Variants in CCDC102B observed in about 807,000 individuals in gnomAD.
The protein encoded by CCDC102B is coiled-coil domain-containing protein 102B.
In CCDC102B, 75 loss-of-function variants were observed where a neutral mutation model predicts 57.4. The ratio of observed to expected loss-of-function variants is 1.31; its 90% CI spans 1.08 to 1.58. The LOEUF (loss-of-function observed/expected upper bound fraction) is 1.58, where lower values mean the gene tolerates loss of function less well. CCDC102B is among the 40% of genes most tolerant of loss of function. The probability of loss-of-function intolerance (pLI) is 0.00; values close to 1 mark genes in which losing one functional copy is unlikely to be tolerated. For missense variants in CCDC102B, 636 were observed against 582.6 expected, an observed-to-expected ratio of 1.09 and a Z score of -0.94; for synonymous variants, 206 against 201.9, an observed-to-expected ratio of 1.02 and a Z score of -0.17.
At chr18:68,773,088 G>A (rs947643551) in intron 2 of CCDC102B, among the ~76,000 whole-genome samples, 2 of 151,814 alleles carry the variant, frequency 1.3e-5, no homozygotes, top group Non-Finnish European at 2.9e-5. Flanking sequence ...ATACCACCAT[G>A]CCCTCAAAAA....
chr18:68,969,066 G>A (rs1439027652), intron 6 of CCDC102B, among the ~76,000 whole-genome samples: 1 of 152,118 alleles, frequency 6.6e-6, no homozygotes, highest in Non-Finnish European at 1.5e-5. Context: ...GCTCATTGCA[G>A]TTCATTGTGA....
At position 69,050,279 on chromosome 18, in the gene CCDC102B, C is replaced by G. The variant is rs1273631085; in HGVS notation, c.1435-3751C>G. ...AAGATGAGATGCTCACGCGTATCAC[C>G]CTTGTTGAAAACTTCTAAAACCTTC... is the stretch of plus-strand genomic sequence containing the variant. On this transcript the variant is annotated intron_variant, in intron 7 of 7. Coordinates refer to ENST00000360242, the MANE Select transcript of CCDC102B (RefSeq NM_024781.3). Among the ~76,000 whole-genome samples, 3 of 152,246 alleles carry G rather than the reference C, an allele frequency of 2.0e-5. No individual in the cohort carries two copies. In the East Asian group the frequency reaches 5.8e-4, roughly 29 times the overall value.
intron 6 of CCDC102B, among the ~76,000 whole-genome samples, chr18:68,899,358 GT>G (rs2040356492): frequency 6.6e-6 from 1 of 151,708 alleles, no homozygotes; most frequent in South Asian, 2.1e-4. Flanking sequence ...CCATACTGTA[GT>G]TTTAACATTA....
rs143925552 is a variant in CCDC102B, at chr18:68,738,060, G to A, written c.-67+21466G>A. 3.1e-3 allele frequency among the ~76,000 whole-genome samples: 472 copies of A among 152,204 alleles called. 2 individuals carry two copies. Among genetic ancestry groups the A allele is most frequent in the African/African-American group, 0.011 (458 of 41,534 alleles). Reference sequence around the variant, plus strand: ...TGTGTGTATTGCATAATAAAAGATAGTACACCATCCCCTTGCAGGGTGTCA... The same window carrying A: ...TGTGTGTATTGCATAATAAAAGATAATACACCATCCCCTTGCAGGGTGTCA... On this transcript the variant is annotated intron_variant, in intron 2 of 3. Coordinates refer to the CCDC102B transcript ENST00000578970.
At chr18:68,853,146 A>T (rs1012048416) in intron 4 of CCDC102B, among the ~76,000 whole-genome samples, 9 of 152,210 alleles carry the variant, frequency 5.9e-5, no homozygotes, top group African/African-American at 2.2e-4. Flanking sequence ...TACAGTTTGT[A>T]GATAGTGAAA....
rs745599610 is a variant in CCDC102B, at chr18:68,882,007, T to G, written c.1053+7222T>G. ...AGTTATAATACATCTTTTAATACAATGTGGCTAAATAATAATAGGAACACT... is the reference window on the plus strand; with the variant it reads ...AGTTATAATACATCTTTTAATACAAGGTGGCTAAATAATAATAGGAACACT... On this transcript the variant is annotated intron_variant, in intron 5 of 7. Transcript: ENST00000360242. Among the ~76,000 whole-genome samples, 53 of 152,284 alleles carry G rather than the reference T, an allele frequency of 3.5e-4. 1 individual carries two copies. Among genetic ancestry groups the G allele is most frequent in the Admixed American group, 1.3e-3 (20 of 15,290 alleles).
chr18:69,042,122 G>A (rs1429705331), intron 7 of CCDC102B, among the ~76,000 whole-genome samples: 6 of 151,986 alleles, frequency 3.9e-5, no homozygotes, highest in Admixed American at 3.9e-4. Flanking sequence ...AGGGTGGAAC[G>A]AATGAAGGAG....
intron 5 of CCDC102B, among the ~76,000 whole-genome samples, chr18:68,878,902 C>G (rs149445346): frequency 6.6e-6 from 1 of 152,092 alleles, no homozygotes. Flanking sequence ...CACGGACCCT[C>G]GTGGTGAGTG....
Position 69,054,197 on chromosome 18 carries a change from T to G in CCDC102B, c.*60T>G. 1.3e-6 allele frequency: 2 copies of G among 1,487,096 alleles called. No individual in the cohort carries two copies. Among genetic ancestry groups the G allele is most frequent in the East Asian group, 2.5e-5 (1 of 40,620 alleles). 92.1% of individuals were successfully genotyped at this position (1,487,096 alleles called of 1,614,324 possible). A position where few individuals can be genotyped will look rare whatever the true frequency, so the allele number is the denominator to read the frequency against. ...GCCTTAAAGACATTTCCATATCCTT[T>G]TCTTAAATATCAGTAAAATTGTTTT... is the stretch of plus-strand genomic sequence containing the variant. On this transcript the variant is annotated 3_prime_UTR_variant, in exon 8 of 8. Transcript: ENST00000360242.
At chr18:68,870,143 A>G (rs1317233430) in intron 4 of CCDC102B, among the ~76,000 whole-genome samples, 1 of 152,186 alleles carries the variant, frequency 6.6e-6, no homozygotes, top group Non-Finnish European at 1.5e-5. Context: ...GGACTTGAAC[A>G]ACGAGAACAC....
chr18:68,854,670 T>A (rs766488130), intron 4 of CCDC102B, among the ~76,000 whole-genome samples: 19 of 152,188 alleles, frequency 1.2e-4, no homozygotes, highest in Non-Finnish European at 2.4e-4. Context: ...CCATCTTTTT[T>A]AAATTTTTTA....
rs1215517252 is a variant in CCDC102B, at chr18:68,727,931, A to T, written c.-67+11337A>T. Among the ~76,000 whole-genome samples the T allele has an allele frequency of 2.0e-5, 3 of 152,352 alleles. No homozygotes were observed. The East Asian group carries it at 5.8e-4, about 29-fold the overall frequency. On this transcript the variant is annotated intron_variant, in intron 2 of 3. Transcript: ENST00000578970. ...TGGTCTAGCAAGTGGACTGTAGATA[A>T]TTGGACAATAAAGATACCCCTGTCT...
At chr18:68,753,796 A>C (rs1320070366) in intron 2 of CCDC102B, 1 of 151,916 alleles carries the variant, frequency 6.6e-6, no homozygotes, top group Non-Finnish European at 1.5e-5. Flanking sequence ...TCCTGGGCTT[A>C]TGCAATTCTC....
chr18:68,852,488 A>T (rs1327125538), intron 4 of CCDC102B, among the ~76,000 whole-genome samples: 1 of 152,166 alleles, frequency 6.6e-6, no homozygotes, highest in Non-Finnish European at 1.5e-5. Context: ...TACATTACTT[A>T]TAATTCCTAA....
intron 6 of CCDC102B, among the ~76,000 whole-genome samples, chr18:68,997,890 G>A (rs2051075457): frequency 6.6e-6 from 1 of 151,804 alleles, no homozygotes; most frequent in African/African-American, 2.4e-5. Flanking sequence ...TGTAGTTTAA[G>A]CTCTTTGAAT....
intron 6 of CCDC102B, among the ~76,000 whole-genome samples, chr18:68,903,580 T>G (rs1243952781): frequency 6.6e-6 from 1 of 152,222 alleles, no homozygotes; most frequent in Admixed American, 6.5e-5. Context: ...GTCCAACATA[T>G]GACACAAAAT....
chr18:68,796,843 A>G (rs1211017616), upstream of CCDC102B, among the ~76,000 whole-genome samples: 5 of 147,104 alleles, frequency 3.4e-5, no homozygotes, highest in African/African-American at 9.8e-5. Flanking sequence ...ATGTACATGC[A>G]TGTGTGTGTG....
At chr18:68,747,038 G>A (rs1434248299) in intron 2 of CCDC102B, among the ~76,000 whole-genome samples, 2 of 152,088 alleles carry the variant, frequency 1.3e-5, no homozygotes, top group African/African-American at 2.4e-5. Context: ...TCAGCATAAT[G>A]AGAACATCCA....
intron 7 of CCDC102B, among the ~76,000 whole-genome samples, chr18:69,033,524 A>G (rs767716115): frequency 2.8e-4 from 42 of 152,214 alleles, no homozygotes; most frequent in South Asian, 6.2e-4. Flanking sequence ...GACACTTCAT[A>G]TAAATGGATT....
Sources: allele counts gnomAD v4.1 joint callset (sites outside exome capture counted in the v4.1 genomes callset), GRCh38; gene constraint gnomAD v4.1.1; transcripts MANE v1.5; gene names NCBI Gene and HGNC (gene_info 2026-07-23, HGNC 2026-07-21).